SLCO3A1: variants seen among roughly 807,000 people sequenced by gnomAD.
SLCO3A1 encodes the protein solute carrier organic anion transporter family member 3A1, also known as PGE1 transporter.
In SLCO3A1, 27 loss-of-function variants were observed where a neutral mutation model predicts 63.1. The observed-to-expected ratio is 0.43, with a 90% confidence interval of 0.32 to 0.59. The LOEUF (loss-of-function observed/expected upper bound fraction) is 0.59, where lower values mean the gene tolerates loss of function less well. Among genes scored for constraint, SLCO3A1 ranks in the 20% least tolerant of loss-of-function variants. The probability of loss-of-function intolerance (pLI) is 0.09; values close to 1 mark genes in which losing one functional copy is unlikely to be tolerated. For missense variants in SLCO3A1, 773 were observed against 945.8 expected (o/e 0.82, Z 2.40); for synonymous variants, 473 against 409.9 (o/e 1.15, Z -1.86).
At chr15:92,085,415 G>A (rs185173048) in intron 2 of SLCO3A1, among the ~76,000 whole-genome samples, 37 of 152,348 alleles carry the variant, frequency 2.4e-4, no homozygotes, top group African/African-American at 7.7e-4. Flanking sequence ...TGGTTAAGCT[G>A]CTGCCTGGAA....
At chr15:91,959,740 A>AG (rs1471876490) in intron 2 of SLCO3A1, among the ~76,000 whole-genome samples, 1 of 150,788 alleles carries the variant, frequency 6.6e-6, no homozygotes, top group Non-Finnish European at 1.5e-5. Context: ...AAAAAAAAAA[A>AG]AAAGAAAAGT....
At chr15:91,996,981 G>A (rs1472062357) in intron 2 of SLCO3A1, among the ~76,000 whole-genome samples, 2 of 152,080 alleles carry the variant, frequency 1.3e-5, no homozygotes, top group Non-Finnish European at 1.5e-5. Context: ...TAAGTTAAAA[G>A]ACAAGAGAGG....
intron 5 of SLCO3A1, among the ~76,000 whole-genome samples, chr15:92,124,065 C>T (rs1162677589): frequency 3.3e-5 from 5 of 152,064 alleles, no homozygotes; most frequent in Admixed American, 1.3e-4. Context: ...TGGCAGTGGG[C>T]GGTTAGAGAA....
At chr15:91,998,187 C>T (rs1597205304) in intron 2 of SLCO3A1, among the ~76,000 whole-genome samples, 1 of 152,272 alleles carries the variant, frequency 6.6e-6, no homozygotes, top group South Asian at 2.1e-4. Context: ...GGTGTGGTGG[C>T]TCATGCCTGT....
chr15:91,886,061 A>C lies in SLCO3A1; in HGVS notation c.181-29932A>C, dbSNP rs552964639. Among the ~76,000 whole-genome samples the C allele has an allele frequency of 1.3e-5, 2 of 152,212 alleles. No homozygotes were observed. Among genetic ancestry groups the C allele is most frequent in the East Asian group, 3.9e-4 (2 of 5,166 alleles). ...GCCCCTGTGAGCCACAGGGAGGCAG[A>C]GTTGGTCCCTTTTAAATATTGGGGC... On this transcript the variant is annotated intron_variant, in intron 1 of 9. Coordinates refer to ENST00000318445, the MANE Select transcript of SLCO3A1 (RefSeq NM_013272.4). This position sits in a 1 kb window ranked among gnomAD's most constrained non-coding sequence, Gnocchi z 4.9.
At chr15:91,996,268 C>G (rs765594862) in intron 2 of SLCO3A1, among the ~76,000 whole-genome samples, 1 of 151,832 alleles carries the variant, frequency 6.6e-6, no homozygotes, top group African/African-American at 2.4e-5. Flanking sequence ...CATAAGGTAT[C>G]TAAGGAAAAA....
chr15:92,109,460 G>A (rs1435140503), intron 4 of SLCO3A1, among the ~76,000 whole-genome samples: 1 of 152,192 alleles, frequency 6.6e-6, no homozygotes, highest in African/African-American at 2.4e-5. Context: ...AAAGGAAGGG[G>A]AGAACCAACT....
rs2151377487 is a variant in SLCO3A1 at position 91,912,526 on chromosome 15, G to T, written c.181-3467G>T. On this transcript the variant is annotated intron_variant, in intron 1 of 9. Transcript: ENST00000318445. The surrounding 1 kb of genome is among the most constrained non-coding windows in gnomAD (Gnocchi z 5.0). ...CTGATTATTTTTTGTTTTGCCCACA[G>T]CTGTCTCTGTCCCAATCACCCTTAT... is the stretch of plus-strand genomic sequence containing the variant. 6.6e-6 allele frequency among the ~76,000 whole-genome samples: 1 copy of T among 152,298 alleles called. No homozygotes were observed. Among genetic ancestry groups the T allele is most frequent in the Admixed American group, 6.5e-5 (1 of 15,300 alleles).
Position 91,862,729 on chromosome 15 carries a change from C to T in SLCO3A1, c.180+8641C>T, listed in dbSNP as rs1897077720. ...GAAAATAATAGAAGGCAAACTAAAT[C>T]CCTGCTCACAAAACTACAGGAATTT... is the stretch of plus-strand genomic sequence containing the variant. On this transcript the variant is annotated intron_variant, in intron 1 of 9. Coordinates refer to ENST00000318445, the MANE Select transcript of SLCO3A1 (RefSeq NM_013272.4). This position sits in a 1 kb window ranked among gnomAD's most constrained non-coding sequence, Gnocchi z 4.0. Among the ~76,000 whole-genome samples the T allele has an allele frequency of 6.6e-6, 1 of 152,162 alleles. No individual in the cohort carries two copies. The highest frequency in any genetic ancestry group is 1.5e-5 in the Non-Finnish European group (1 of 68,040).
intron 2 of SLCO3A1, among the ~76,000 whole-genome samples, chr15:92,062,783 G>T (rs1206847537): frequency 6.6e-6 from 1 of 152,164 alleles, no homozygotes; most frequent in African/African-American, 2.4e-5. Flanking sequence ...TGTTATCATT[G>T]TGGTCCCTCT....
At chr15:91,857,829 C>CATTT (rs2141832867) in intron 1 of SLCO3A1, among the ~76,000 whole-genome samples, 1 of 152,250 alleles carries the variant, frequency 6.6e-6, no homozygotes, top group Admixed American at 6.5e-5. Context: ...GGCATACATA[C>CATTT]AAATACATTT....
At chr15:92,141,722 C>T (rs954671118) in intron 7 of SLCO3A1, among the ~76,000 whole-genome samples, 1 of 152,208 alleles carries the variant, frequency 6.6e-6, no homozygotes, top group African/African-American at 2.4e-5. Flanking sequence ...TCCTCATCTG[C>T]AGTTCTTCCT....
At chr15:92,051,426 T>C (rs188055693) in intron 2 of SLCO3A1, among the ~76,000 whole-genome samples, 1 of 152,246 alleles carries the variant, frequency 6.6e-6, no homozygotes, top group Admixed American at 6.5e-5. Flanking sequence ...TTGTGGGCAG[T>C]TGGAATCATC....
At chr15:91,966,987 T>G (rs900326262) in intron 2 of SLCO3A1, among the ~76,000 whole-genome samples, 1 of 151,932 alleles carries the variant, frequency 6.6e-6, no homozygotes, top group Admixed American at 6.6e-5. Context: ...TGCAGTTTTT[T>G]GGGGATTTTT....
intron 1 of SLCO3A1, among the ~76,000 whole-genome samples, chr15:91,877,197 C>G (rs1897420669): frequency 6.6e-6 from 1 of 152,162 alleles, no homozygotes; most frequent in African/African-American, 2.4e-5. Context: ...GTCTCCTAAC[C>G]ACTTAAGTAG....
chr15:92,070,520 G>GT (rs1567102549), intron 2 of SLCO3A1, among the ~76,000 whole-genome samples: 1 of 152,136 alleles, frequency 6.6e-6, no homozygotes, highest in East Asian at 1.9e-4. Context: ...ACGCATGCCT[G>GT]TAATCCCAGC....
chr15:91,980,924 C>G (rs1038034286), intron 2 of SLCO3A1, among the ~76,000 whole-genome samples: 5 of 152,198 alleles, frequency 3.3e-5, no homozygotes, highest in African/African-American at 1.2e-4. Flanking sequence ...AATTCATGTG[C>G]AGAAACTGGC....
intron 2 of SLCO3A1, among the ~76,000 whole-genome samples, chr15:92,072,974 A>G (rs1376289453): frequency 1.3e-5 from 2 of 152,122 alleles, no homozygotes; most frequent in Non-Finnish European, 2.9e-5. Context: ...GAAGAGAGAA[A>G]GGGGAGAGCT....
intron 1 of SLCO3A1, among the ~76,000 whole-genome samples, chr15:91,914,518 G>T (rs1597115651): frequency 6.6e-6 from 1 of 150,398 alleles, no homozygotes; most frequent in African/African-American, 2.4e-5. Context: ...TGTGGCATTT[G>T]TGGCTCCTTA....
Sources: gnomAD v4.1 joint callset for allele counts (sites outside exome capture counted in the v4.1 genomes callset) on GRCh38, gnomAD v4.1.1 for gene constraint, Gnocchi (gnomAD v3.1) non-coding constraint, MANE v1.5 for transcripts, NCBI Gene and HGNC (gene_info 2026-07-23, HGNC 2026-07-21) for gene names.